The following SPEF2 variants were observed in gnomAD, a reference collection of about 807,000 sequenced individuals.
The protein encoded by SPEF2 is sperm flagellar and cilia associated 2.
A neutral mutation model predicts 224.6 loss-of-function variants in SPEF2; 187 were observed. The ratio of observed to expected loss-of-function variants is 0.83; its 90% CI spans 0.74 to 0.94. The LOEUF (loss-of-function observed/expected upper bound fraction) is 0.94. Among genes scored for constraint, SPEF2 ranks in the 40% least tolerant of loss-of-function variants. The pLI is 0.00. For synonymous variants in SPEF2, 715 were observed against 707.3 expected, an observed-to-expected ratio of 1.01 and a Z score of -0.17; for missense variants, 2,170 against 2,135.6, an observed-to-expected ratio of 1.02 and a Z score of -0.32.
intron 5 of SPEF2, 130 bp downstream of exon 5, chr5:35,646,937 T>G: frequency 2.0e-6 from 2 of 981,368 alleles, no homozygotes; most frequent in East Asian, 2.6e-5. Context: ...TTGTCCTTTC[T>G]CATTCAGAAT....
chr5:35,793,449 C>T, intron 32 of SPEF2, 108 bp downstream of exon 32: 1 of 1,117,620 alleles, frequency 8.9e-7, no homozygotes, highest in South Asian at 2.3e-5. Context: ...TGCATTGCTT[C>T]TCAGCTCCCC....
intron 21 of SPEF2, among the ~76,000 whole-genome samples, chr5:35,738,827 T>C (rs1157132761): frequency 6.6e-6 from 1 of 152,066 alleles, no homozygotes; most frequent in Non-Finnish European, 1.5e-5. Context: ...GCAGGCTTCA[T>C]CTTCAACATT....
intron 24 of SPEF2, among the ~76,000 whole-genome samples, chr5:35,755,184 G>C (rs1750250642): frequency 6.6e-6 from 1 of 152,182 alleles, no homozygotes; most frequent in Non-Finnish European, 1.5e-5. Context: ...GACAAAGCCG[G>C]GCCATGACCA....
intron 16 of SPEF2, among the ~76,000 whole-genome samples, chr5:35,701,186 G>A (rs1425321733): frequency 3.9e-5 from 6 of 152,170 alleles, no homozygotes; most frequent in Non-Finnish European, 8.8e-5. Flanking sequence ...GTATCAGTTG[G>A]CTGAAAACTT....
At chr5:35,759,005 C>CAAAAAAAAAAAA (rs57893412) in intron 24 of SPEF2, among the ~76,000 whole-genome samples, 4 of 51,324 alleles carry the variant, frequency 7.8e-5, no homozygotes, top group Non-Finnish European at 1.3e-4. Context: ...GACTCTGTCT[C>CAAAAAAAAAAAA]AAAAAAAAAA....
At chr5:35,626,423 G>T (rs1314243024) in intron 1 of SPEF2, among the ~76,000 whole-genome samples, 1 of 152,162 alleles carries the variant, frequency 6.6e-6, no homozygotes, top group Non-Finnish European at 1.5e-5. Context: ...TTTAAGAATA[G>T]ATGCAATGTG....
At chr5:35,661,737 C>G (rs1326994028) in intron 8 of SPEF2, among the ~76,000 whole-genome samples, 4 of 152,104 alleles carry the variant, frequency 2.6e-5, no homozygotes, top group Non-Finnish European at 4.4e-5. Context: ...CAATCCATGT[C>G]TCTGCAAAGG....
chr5:35,762,882 T>A (rs1463737471), intron 25 of SPEF2, among the ~76,000 whole-genome samples: 1 of 152,214 alleles, frequency 6.6e-6, no homozygotes, highest in Non-Finnish European at 1.5e-5. Flanking sequence ...CTTAACTTTG[T>A]GTCCCCACAG....
chr5:35,741,249 G>A (rs978408820), intron 23 of SPEF2, among the ~76,000 whole-genome samples: 22 of 152,202 alleles, frequency 1.4e-4, no homozygotes, highest in Admixed American at 7.2e-4. Flanking sequence ...GGAAAAGAAC[G>A]TTGGATGTAC....
chr5:35,636,595 C>A (rs1745860959), intron 2 of SPEF2, among the ~76,000 whole-genome samples: 1 of 152,052 alleles, frequency 6.6e-6, no homozygotes, highest in Non-Finnish European at 1.5e-5. Context: ...TGGGATAGGA[C>A]TTTTTTCAGT....
intron 25 of SPEF2, 118 bp downstream of exon 25, chr5:35,759,837 A>G: frequency 9.5e-7 from 1 of 1,052,830 alleles, no homozygotes; most frequent in East Asian, 2.7e-5. Context: ...GATCCAAAAA[A>G]GCTCTAATAA....
chr5:35,626,623 AT>A (rs778501196), intron 1 of SPEF2, among the ~76,000 whole-genome samples: 99 of 152,318 alleles, frequency 6.5e-4, no homozygotes, highest in Non-Finnish European at 4.0e-4. Flanking sequence ...TGTAACCATA[AT>A]TAATAGATTC....
At chr5:35,619,541 G>A (rs1209080309) in intron 1 of SPEF2, among the ~76,000 whole-genome samples, 1 of 151,988 alleles carries the variant, frequency 6.6e-6, no homozygotes, top group Admixed American at 6.5e-5. Flanking sequence ...GCCGGACGTC[G>A]TGGCGGGTGC....
At chr5:35,797,791 G>A (rs904304654) in intron 33 of SPEF2, among the ~76,000 whole-genome samples, 3 of 152,240 alleles carry the variant, frequency 2.0e-5, no homozygotes, top group East Asian at 1.9e-4. Context: ...ATACCAAATC[G>A]GAGAGAAATG....
rs747467229 is a variant in SPEF2, at chr5:35,793,228, A to G, written c.4624A>G (p.Thr1542Ala). 6.2e-7 allele frequency: 1 copy of G among 1,614,158 alleles called. No homozygotes were observed. Among genetic ancestry groups the G allele is most frequent in the South Asian group, 1.1e-5 (1 of 91,074 alleles). ...FVDWRKFLLVTSMPWPIPLEE... is the reference protein window; with the variant it reads ...FVDWRKFLLVASMPWPIPLEE... ...GGACTGGCGGAAGTTCCTGTTAGTA[A>G]CCTCAATGCCTTGGCCCATTCCCTT... The change falls in exon 32 of 37, where the codon ACC (threonine) becomes GCC (alanine). Residue 1542 changes from threonine (T) to alanine (A), a missense_variant. By Grantham distance (58) the Thr-to-Ala change is moderately conservative. Coordinates refer to ENST00000356031, the MANE Select transcript of SPEF2 (RefSeq NM_024867.4).
At position 35,659,094 on chromosome 5, in the gene SPEF2, C is replaced by T. The variant is rs773886872; in HGVS notation, c.1054C>T (p.Leu352Phe). The T allele has an allele frequency of 1.8e-4, 297 of 1,613,144 alleles. No individual in the cohort carries two copies. Among genetic ancestry groups the T allele is most frequent in the Non-Finnish European group, 2.4e-4 (288 of 1,179,516 alleles). ...GCAGGAGCGCAGGATTGCCGTGCAG[C>T]TCATGCATGTTCGGCATGAAAAGGA... ...SQQERRIAVQ[L>F]MHVRHEKEVL... The change falls in exon 8 of 37, where the codon CTC becomes TTC. Residue 352 changes from leucine to phenylalanine, a missense_variant. Leu to Phe is a conservative substitution (Grantham distance 22). Coordinates refer to ENST00000356031, the MANE Select transcript of SPEF2 (RefSeq NM_024867.4).
intron 8 of SPEF2, among the ~76,000 whole-genome samples, chr5:35,665,576 C>T (rs1750358634): frequency 1.3e-5 from 2 of 151,952 alleles, no homozygotes; most frequent in African/African-American, 4.8e-5. Context: ...GTTTTTTTTC[C>T]TCACATCCTA....
chr5:35,767,855 C>T (rs926410044), intron 26 of SPEF2, among the ~76,000 whole-genome samples: 4 of 152,020 alleles, frequency 2.6e-5, no homozygotes, highest in African/African-American at 4.8e-5. Context: ...CTCCACTTGC[C>T]ATCATAGAAT....
intron 3 of SPEF2, chr5:35,643,521 T>G (rs1463144274): frequency 6.6e-6 from 3 of 455,870 alleles, no homozygotes; most frequent in African/African-American, 6.0e-5. Context: ...GGGCCACTTA[T>G]CAGTTGAGAA....
Sources: allele counts gnomAD v4.1 joint callset (sites outside exome capture counted in the v4.1 genomes callset), GRCh38; gene constraint gnomAD v4.1.1; transcripts MANE v1.5; gene names NCBI Gene and HGNC (gene_info 2026-07-23, HGNC 2026-07-21).